The following THSD4 variants were observed in gnomAD, a reference collection of about 807,000 sequenced individuals.
THSD4 encodes the protein thrombospondin type-1 domain-containing protein 4.
A neutral mutation model predicts 119.0 loss-of-function variants in THSD4; 69 were observed. The observed-to-expected ratio is 0.58, with a 90% confidence interval of 0.48 to 0.71. The LOEUF (loss-of-function observed/expected upper bound fraction) is 0.71, where lower values mean the gene tolerates loss of function less well. THSD4 is among the 30% of genes least tolerant of loss of function. The pLI is 0.00. For missense variants in THSD4, 1,393 were observed against 1,391.1 expected, an observed-to-expected ratio of 1.00 and a Z score of -0.02; for synonymous variants, 524 against 540.4, an observed-to-expected ratio of 0.97 and a Z score of 0.42.
chr15:71,395,914 GACACACACACACAC>G lies in THSD4; in HGVS notation c.1016-15747_1016-15734del, dbSNP rs58433075. 3.0e-5 allele frequency among the ~76,000 whole-genome samples: 4 copies of G among 133,380 alleles called. No individual in the cohort carries two copies. The South Asian group carries it at 7.5e-4, about 25-fold the overall frequency. The allele number at this position is 133,380 out of a possible 152,430, so 87.5% of individuals were successfully genotyped here. On this transcript the variant is annotated intron_variant, in intron 6 of 17. Transcript: ENST00000261862. ...TCTGCTTCTCAGTGTTTTGAAGAGA[GACACACACACACAC>G]ACACACACACACACACACACACACA...
intron 8 of THSD4, among the ~76,000 whole-genome samples, chr15:71,665,720 G>A (rs1480111453): frequency 6.6e-6 from 1 of 152,154 alleles, no homozygotes; most frequent in Non-Finnish European, 1.5e-5. Flanking sequence ...CATATGGCTA[G>A]CCAGTTCTCC....
chr15:71,274,084 G>A (rs972175175), intron 6 of THSD4, among the ~76,000 whole-genome samples: 1 of 152,158 alleles, frequency 6.6e-6, no homozygotes, highest in Non-Finnish European at 1.5e-5. Context: ...TGGCCAGGGG[G>A]AGCTGGGACA....
At chr15:71,684,841 C>G (rs1265274059) in intron 8 of THSD4, among the ~76,000 whole-genome samples, 2 of 152,050 alleles carry the variant, frequency 1.3e-5, no homozygotes, top group Non-Finnish European at 2.9e-5. Flanking sequence ...TTTATAAAAA[C>G]TCACCAATAA....
At chr15:71,586,980 T>C (rs1431489584) in intron 7 of THSD4, among the ~76,000 whole-genome samples, 2 of 152,230 alleles carry the variant, frequency 1.3e-5, no homozygotes, top group Non-Finnish European at 2.9e-5. Flanking sequence ...CAAAGCACTT[T>C]TATAGCTGTG....
intron 7 of THSD4, among the ~76,000 whole-genome samples, chr15:71,568,647 T>C (rs1039755897): frequency 4.6e-5 from 7 of 152,020 alleles, no homozygotes; most frequent in Admixed American, 6.6e-5. Context: ...ACGTGCTAGT[T>C]TGTCACATAT....
intron 6 of THSD4, among the ~76,000 whole-genome samples, chr15:71,266,859 T>C (rs1161353789): frequency 6.6e-6 from 1 of 151,758 alleles, no homozygotes; most frequent in Non-Finnish European, 1.5e-5. Context: ...AGAAAGGATG[T>C]CAGAGATTGA....
chr15:71,268,141 A>G (rs1277414566), intron 6 of THSD4, among the ~76,000 whole-genome samples: 1 of 152,226 alleles, frequency 6.6e-6, no homozygotes, highest in African/African-American at 2.4e-5. Flanking sequence ...CTCCACCCCA[A>G]ATTAACAGAA....
chr15:71,367,468 G>A (rs900017312), intron 6 of THSD4, among the ~76,000 whole-genome samples: 1 of 152,170 alleles, frequency 6.6e-6, no homozygotes, highest in African/African-American at 2.4e-5. Context: ...GGTGTGTGAT[G>A]TTCCCCTTCC....
In THSD4 at chr15:71,768,267, C is replaced by CA. The variant is rs1555451037; in HGVS notation, c.2770-2789dup. Among the ~76,000 whole-genome samples the CA allele has an allele frequency of 9.4e-3, 698 of 74,536 alleles. 4 individuals carry two copies. The highest frequency in any genetic ancestry group is 0.017 in the African/African-American group (557 of 32,836). 48.9% of individuals were successfully genotyped at this position (74,536 alleles called of 152,430 possible). ...AGGCAGCCCCCCGGAAGTAGTCTCA[C>CA]AAAAAAAACCAAAAAAAAACCCTGC... is the stretch of plus-strand genomic sequence containing the variant. On this transcript the variant is annotated intron_variant, in intron 16 of 17. Coordinates refer to ENST00000261862, the MANE Select transcript of THSD4 (RefSeq NM_024817.3).
At chr15:71,449,686 C>A (rs1238448106) in intron 7 of THSD4, among the ~76,000 whole-genome samples, 1 of 152,164 alleles carries the variant, frequency 6.6e-6, no homozygotes, top group Non-Finnish European at 1.5e-5. Flanking sequence ...TTTATAGTCA[C>A]TTTAGCCTGG....
At chr15:71,745,327 A>G in intron 12 of THSD4, 92 bp downstream of exon 12, 2 of 1,481,180 alleles carry the variant, frequency 1.4e-6, no homozygotes, top group Non-Finnish European at 1.8e-6. Flanking sequence ...AGTCAGTCTA[A>G]ATCTGAGTTA....
chr15:71,747,518 T>G (rs1394469214), intron 13 of THSD4, among the ~76,000 whole-genome samples: 5 of 152,206 alleles, frequency 3.3e-5, no homozygotes, highest in African/African-American at 1.2e-4. Context: ...TTGGACATGT[T>G]CCAAAGTCTG....
intron 10 of THSD4, among the ~76,000 whole-genome samples, chr15:71,735,932 G>C (rs546475583): frequency 6.8e-5 from 8 of 118,176 alleles, no homozygotes; most frequent in Admixed American, 1.7e-4. Flanking sequence ...CTCACTTTCT[G>C]TCTCTATCTC....
At chr15:71,704,414 A>G (rs908073181) in intron 8 of THSD4, among the ~76,000 whole-genome samples, 6 of 152,156 alleles carry the variant, frequency 3.9e-5, no homozygotes, top group African/African-American at 1.2e-4. Context: ...AATAAGTTTC[A>G]TGAGATCTGA....
At position 71,731,190 on chromosome 15, in the gene THSD4, C is replaced by T. The variant is rs746494638; in HGVS notation, c.1603C>T (p.Pro535Ser). Residue 535 changes from proline to serine, a missense_variant, in exon 10 of 18, where the codon CCC becomes TCC. Transcript: ENST00000261862. ...GATCATGGGGACCAACGCCATCAGC[C>T]CCCAGGTGCCACCCCACAGGAGACC... ...YVIMGTNAISPQVPPHRRPGE... is the reference protein window; with the variant it reads ...YVIMGTNAISSQVPPHRRPGE... The T allele has an allele frequency of 5.6e-6, 9 of 1,614,040 alleles. No homozygotes were observed. The African/African-American group carries it at 6.7e-5, about 12-fold the overall frequency.
At chr15:71,133,531 G>C (rs535211041) in intron 1 of THSD4, among the ~76,000 whole-genome samples, 3 of 152,172 alleles carry the variant, frequency 2.0e-5, no homozygotes, top group Non-Finnish European at 4.4e-5. Flanking sequence ...ATAATGATAC[G>C]CTTTGACGAT....
chr15:71,408,825 C>T (rs2046642789), intron 6 of THSD4, among the ~76,000 whole-genome samples: 1 of 152,072 alleles, frequency 6.6e-6, no homozygotes, highest in Admixed American at 6.5e-5. Context: ...GCACTCCAGC[C>T]TGAGTGATAG....
chr15:71,246,886 C>CTTT (rs67700872), intron 5 of THSD4, among the ~76,000 whole-genome samples: 27 of 114,484 alleles, frequency 2.4e-4, no homozygotes, highest in African/African-American at 3.8e-4. Context: ...GGTCCAAAGT[C>CTTT]TTTTTTTTTT....
At chr15:71,240,174 A>G (rs929519332) in intron 4 of THSD4, among the ~76,000 whole-genome samples, 1 of 152,206 alleles carries the variant, frequency 6.6e-6, no homozygotes, top group South Asian at 2.1e-4. Flanking sequence ...AGATGTTTAC[A>G]CAAGTCATCA....
Sources: gnomAD v4.1 joint callset for allele counts (sites outside exome capture counted in the v4.1 genomes callset) on GRCh38, gnomAD v4.1.1 for gene constraint, MANE v1.5 for transcripts, NCBI Gene and HGNC (gene_info 2026-07-23, HGNC 2026-07-21) for gene names.